HDLBP: variants seen among roughly 807,000 people sequenced by gnomAD.
HDLBP encodes vigilin.
HDLBP carries 30 observed loss-of-function variants against 137.3 expected under a neutral mutation model. That is an observed-to-expected ratio of 0.22 (90% confidence interval 0.16 to 0.30). The LOEUF is 0.30. HDLBP is among the 10% of genes least tolerant of loss of function. The probability of loss-of-function intolerance (pLI) is 1.00; values close to 1 mark genes in which losing one functional copy is unlikely to be tolerated. For synonymous variants in HDLBP, 606 were observed against 596.0 expected, an observed-to-expected ratio of 1.02 and a Z score of -0.24; for missense variants, 1,119 against 1,667.3, an observed-to-expected ratio of 0.67 and a Z score of 5.73.
chr2:241,235,105 G>A lies in HDLBP; in HGVS notation c.3144+16C>T. On this transcript the variant is annotated intron_variant, in intron 23 of 27. Coordinates refer to ENST00000310931, the MANE Select transcript of HDLBP (RefSeq NM_005336.6). ...CACCATGGCTCTGGGCAGTGCCCCG[G>A]CCACCTCCTGCTCACCCGGTCCTCC... 1 of 1,610,356 alleles carries A rather than the reference G, an allele frequency of 6.2e-7. No individual in the cohort carries two copies. The highest frequency in any genetic ancestry group is 8.5e-7 in the Non-Finnish European group (1 of 1,179,624).
chr2:241,288,838 C>T (rs1365732742), intron 1 of HDLBP, among the ~76,000 whole-genome samples: 1 of 152,150 alleles, frequency 6.6e-6, no homozygotes, highest in African/African-American at 2.4e-5. Context: ...GTAGGAAGGG[C>T]CATTCCCCTT....
chr2:241,234,483 A>T (rs1461843459), intron 23 of HDLBP, among the ~76,000 whole-genome samples: 2 of 152,046 alleles, frequency 1.3e-5, no homozygotes, highest in African/African-American at 4.8e-5. Context: ...CACGAGCTCC[A>T]CCCCATTCAC....
intron 1 of HDLBP, among the ~76,000 whole-genome samples, chr2:241,313,460 A>T (rs1281577316): frequency 6.6e-6 from 1 of 152,018 alleles, no homozygotes; most frequent in East Asian, 1.9e-4. Context: ...TTGTATTTTT[A>T]GTAGAGACAG....
intron 1 of HDLBP, among the ~76,000 whole-genome samples, chr2:241,292,519 C>A (rs891310773): frequency 6.6e-6 from 1 of 152,140 alleles, no homozygotes; most frequent in Non-Finnish European, 1.5e-5. Context: ...GAAAACCAAA[C>A]ACAGAATAAA....
chr2:241,252,654 G>T (rs2072286900), intron 11 of HDLBP, among the ~76,000 whole-genome samples: 1 of 152,188 alleles, frequency 6.6e-6, no homozygotes, highest in African/African-American at 2.4e-5. Flanking sequence ...CGGAAATATA[G>T]AGAATGCTGC....
At chr2:241,263,782 C>G (rs2073398702) in intron 4 of HDLBP, among the ~76,000 whole-genome samples, 1 of 152,182 alleles carries the variant, frequency 6.6e-6, no homozygotes, top group African/African-American at 2.4e-5. Context: ...TGGTTAACCT[C>G]TTCGAGAAAG....
At chr2:241,265,496 T>C (rs904488107) in intron 3 of HDLBP, among the ~76,000 whole-genome samples, 2 of 152,236 alleles carry the variant, frequency 1.3e-5, no homozygotes, top group South Asian at 2.1e-4. Flanking sequence ...GCAAGGCTTG[T>C]GGAAATCAGG....
At chr2:241,261,512 T>C (rs892915228) in intron 5 of HDLBP, among the ~76,000 whole-genome samples, 4 of 151,974 alleles carry the variant, frequency 2.6e-5, no homozygotes, top group Admixed American at 6.6e-5. Context: ...AATTGAGGAG[T>C]AGGAGAGTGT....
intron 12 of HDLBP, chr2:241,249,376 AG>A: frequency 2.1e-6 from 1 of 472,198 alleles, no homozygotes; most frequent in Admixed American, 2.3e-5. Context: ...GGGTGCTCAC[AG>A]CTTGGCATAA....
chr2:241,258,513 G>A (rs1223770347), intron 5 of HDLBP, among the ~76,000 whole-genome samples: 1 of 152,034 alleles, frequency 6.6e-6, no homozygotes, highest in Non-Finnish European at 1.5e-5. Context: ...GGCAGGCTGA[G>A]ACCCTGTGTT....
At chr2:241,312,418 A>T (rs955887595) in intron 1 of HDLBP, among the ~76,000 whole-genome samples, 7 of 152,222 alleles carry the variant, frequency 4.6e-5, no homozygotes, top group African/African-American at 1.7e-4. Flanking sequence ...AAGTTTTAAA[A>T]TATTATACAC....
chr2:241,272,983 C>T lies in HDLBP; in HGVS notation c.-102-4442G>A. On this transcript the variant is annotated intron_variant, in intron 1 of 27. Transcript: ENST00000310931. The surrounding 1 kb of genome is among the most constrained non-coding windows in gnomAD (Gnocchi z 5.6). ...CCACCCAACTGCAGGCGTGGTTCTGCATCCTTTTTTCGGGTGGGGAAGGCG... is the reference window on the plus strand; with the variant it reads ...CCACCCAACTGCAGGCGTGGTTCTGTATCCTTTTTTCGGGTGGGGAAGGCG... 1.0e-6 allele frequency: 1 copy of T among 980,724 alleles called. No individual in the cohort carries two copies. The highest frequency in any genetic ancestry group is 1.2e-6 in the Non-Finnish European group (1 of 825,472). 60.8% of individuals were successfully genotyped at this position (980,724 alleles called of 1,614,324 possible). A position where few individuals can be genotyped will look rare whatever the true frequency, so the allele number is the denominator to read the frequency against.
In HDLBP at chr2:241,242,537, C is replaced by T. The variant is rs1019420712; in HGVS notation, c.2092G>A (p.Asp698Asn). Residue 698 changes from aspartate to asparagine, a missense_variant, in exon 17 of 28, where the codon GAC becomes AAC. Asp to Asn is a conservative substitution (Grantham distance 23). Coordinates refer to ENST00000310931, the MANE Select transcript of HDLBP (RefSeq NM_005336.6). ...GAAGGGCCCCTGATAACAACGGTGT[C>T]GCTTCCTGAACCTTCCACGGGAAAG... ...IHFPVEGSGS[D>N]TVVIRGPSSD... The T allele has an allele frequency of 3.1e-6, 5 of 1,614,032 alleles. No homozygotes were observed. The African/African-American group carries it at 5.3e-5, about 17-fold the overall frequency.
chr2:241,310,873 G>A (rs2075737585), intron 1 of HDLBP, among the ~76,000 whole-genome samples: 3 of 152,192 alleles, frequency 2.0e-5, no homozygotes, highest in South Asian at 2.1e-4. Context: ...CCAGCACTTC[G>A]GGAGTCTGAG....
Position 241,253,019 on chromosome 2 carries a change from T to C in HDLBP, c.1310A>G (p.Tyr437Cys), listed in dbSNP as rs754453807. Residue 437 changes from tyrosine (Y) to cysteine (C), a missense_variant, in exon 11 of 28, where the codon TAT becomes TGT. By Grantham distance (194) the Tyr-to-Cys change is radical (BLOSUM62 -2). Around this residue, in one of 4 missense-constraint regions of HDLBP, gnomAD observed 425 missense variants for 693.9 expected, o/e 0.61. Coordinates refer to ENST00000310931, the MANE Select transcript of HDLBP (RefSeq NM_005336.6). ...MVKDLINRMD[Y>C]VEINIDHKFH... ...CTTGTGGTCGATGTTGATCTCCACA[T>C]AGTCCATCCGGTTAATCTGCAGGAG... 1 of 1,606,894 alleles carries C rather than the reference T, an allele frequency of 6.2e-7. No individual in the cohort carries two copies. The highest frequency in any genetic ancestry group is 8.5e-7 in the Non-Finnish European group (1 of 1,173,874).
intron 1 of HDLBP, among the ~76,000 whole-genome samples, chr2:241,293,621 T>TAAAAC (rs1286088988): frequency 1.7e-5 from 2 of 120,146 alleles, no homozygotes; most frequent in Non-Finnish European, 3.6e-5. Context: ...CAAAAAAAAT[T>TAAAAC]AAAACAAAAC....
Position 241,256,631 on chromosome 2 carries a change from C to A in HDLBP, c.626G>T (p.Arg209Leu). ...GGCAGAGATGAGTAAGACTTCATGG[C>A]GAGCTTTCTCGATGCCCTCTTTGGT... ...TGTKEGIEKA[R>L]HEVLLISAEQ... The change falls in exon 6 of 28, where the codon CGC becomes CTC. Residue 209 changes from arginine (R) to leucine (L), a missense_variant. Around this residue, in one of 4 missense-constraint regions of HDLBP, gnomAD observed 425 missense variants for 693.9 expected, o/e 0.61. Coordinates refer to ENST00000310931, the MANE Select transcript of HDLBP (RefSeq NM_005336.6). 6.2e-7 allele frequency: 1 copy of A among 1,614,152 alleles called. No individual in the cohort carries two copies. Among genetic ancestry groups the A allele is most frequent in the Non-Finnish European group, 8.5e-7 (1 of 1,180,026 alleles).
rs1481604838 is a variant in HDLBP at position 241,235,245 on chromosome 2, T to C, written c.3020A>G (p.His1007Arg). The C allele has an allele frequency of 1.2e-6, 2 of 1,613,948 alleles. No individual in the cohort carries two copies. The highest frequency in any genetic ancestry group is 1.7e-6 in the Non-Finnish European group (2 of 1,179,994). ...AGACTGCAGCTCAGGTGCCGGGACA[T>C]GTATGTTCACCTACGTGAAGAGGGG... ...KMMDEFEVNIHVPAPELQSDI... is the reference protein window; with the variant it reads ...KMMDEFEVNIRVPAPELQSDI... The change falls in exon 23 of 28, where the codon CAT (histidine) becomes CGT (arginine). Residue 1007 changes from histidine (H) to arginine (R), a missense_variant. Around this residue, in one of 4 missense-constraint regions of HDLBP, gnomAD observed 618 missense variants for 816.7 expected, o/e 0.76. Transcript: ENST00000310931.
At chr2:241,270,528 C>G (rs1379862964) in intron 1 of HDLBP, among the ~76,000 whole-genome samples, 1 of 152,178 alleles carries the variant, frequency 6.6e-6, no homozygotes, top group Non-Finnish European at 1.5e-5. Flanking sequence ...ATTTGATGAC[C>G]CACATGTAAA....
Sources: gnomAD v4.1 joint callset for allele counts (sites outside exome capture counted in the v4.1 genomes callset) on GRCh38, gnomAD v4.1.1 for gene constraint, gnomAD v4.1.1 regional missense constraint, Gnocchi (gnomAD v3.1) non-coding constraint, MANE v1.5 for transcripts, NCBI Gene and HGNC (gene_info 2026-07-23, HGNC 2026-07-21) for gene names.